TRPC6: variants seen among roughly 807,000 people sequenced by gnomAD.
TRPC6 encodes the protein transient receptor potential cation channel subfamily C member 6.
A neutral mutation model predicts 90.7 loss-of-function variants in TRPC6; 55 were observed. The ratio of observed to expected loss-of-function variants is 0.61; its 90% CI spans 0.49 to 0.76. TRPC6 has a LOEUF of 0.76. Among genes scored for constraint, TRPC6 ranks in the 30% least tolerant of loss-of-function variants. The pLI is 0.00. For synonymous variants in TRPC6, 393 were observed against 393.0 expected (o/e 1.00, Z 0.00); for missense variants, 989 against 1,122.7 (o/e 0.88, Z 1.70).
At position 101,504,396 on chromosome 11, in the gene TRPC6, C is replaced by T. The variant is rs764428462; in HGVS notation, c.573G>A (p.Arg191=). The T allele has an allele frequency of 6.2e-7, 1 of 1,613,968 alleles. No individual in the cohort carries two copies. The highest frequency in any genetic ancestry group is 8.5e-7 in the Non-Finnish European group (1 of 1,180,022). ...LSHPAFAEGK[R]LATSPSQSEL... is the part of the protein sequence containing the mutation. Reference sequence around the variant, plus strand: ...CAGACTGGCTAGGGCTGGTTGCTAACCTCTTGCCTTCAGCAAAAGCCGGAT... The same window carrying T: ...CAGACTGGCTAGGGCTGGTTGCTAATCTCTTGCCTTCAGCAAAAGCCGGAT... Residue 191 remains arginine (R), a synonymous_variant, in exon 2 of 13, where the codon AGG becomes AGA. Transcript: ENST00000344327.
intron 10 of TRPC6, among the ~76,000 whole-genome samples, chr11:101,467,997 C>T (rs970639051): frequency 3.2e-4 from 49 of 152,168 alleles, no homozygotes; most frequent in Admixed American, 3.1e-3. Flanking sequence ...CCTGGATAGG[C>T]AAGCCAAACA....
intron 2 of TRPC6, among the ~76,000 whole-genome samples, chr11:101,492,546 T>A (rs1015621000): frequency 1.3e-5 from 2 of 151,832 alleles, no homozygotes; most frequent in East Asian, 3.9e-4. Flanking sequence ...CATGCCACTG[T>A]CACTCTAGCC....
chr11:101,466,779 A>AACTC (rs1315406933), intron 10 of TRPC6, among the ~76,000 whole-genome samples: 1 of 152,128 alleles, frequency 6.6e-6, no homozygotes, highest in African/African-American at 2.4e-5. Flanking sequence ...AAACAAAAAA[A>AACTC]ACTCCTGCAG....
At chr11:101,483,213 T>G in intron 4 of TRPC6, 48 bp from the exon 5 acceptor site, 2 of 1,598,822 alleles carry the variant, frequency 1.3e-6, no homozygotes, top group Non-Finnish European at 1.7e-6. Context: ...TTTTGTACAC[T>G]TTGCAAAACA....
chr11:101,558,817 G>T (rs187348214), intron 1 of TRPC6, among the ~76,000 whole-genome samples: 1 of 152,058 alleles, frequency 6.6e-6, no homozygotes, highest in Admixed American at 6.6e-5. Flanking sequence ...GGCTATCCAC[G>T]TGCAGAAGAA....
chr11:101,504,350 A>T lies in TRPC6; in HGVS notation c.619T>A (p.Tyr207Asn). 6.2e-7 allele frequency: 1 copy of T among 1,614,084 alleles called. No individual in the cohort carries two copies. Among genetic ancestry groups the T allele is most frequent in the Non-Finnish European group, 8.5e-7 (1 of 1,179,982 alleles). Residue 207 changes from tyrosine to asparagine, a missense_variant, in exon 2 of 13, where the codon TAT (tyrosine) becomes AAT (asparagine). Coordinates refer to ENST00000344327, the MANE Select transcript of TRPC6 (RefSeq NM_004621.6). ...SQSELQQDDF[Y>N]AYDEDGTRFS... ...CGTGTCCCATCTTCATCATAGGCAT[A>T]AAAATCATCTTGCTGGAGTTCAGAC...
intron 1 of TRPC6, among the ~76,000 whole-genome samples, chr11:101,518,716 A>G (rs1020268737): frequency 6.6e-6 from 1 of 152,218 alleles, no homozygotes; most frequent in Non-Finnish European, 1.5e-5. Context: ...GGAAATCAGT[A>G]TATCAAAGAG....
intron 1 of TRPC6, among the ~76,000 whole-genome samples, chr11:101,565,223 A>C (rs766546749): frequency 1.3e-5 from 2 of 152,110 alleles, no homozygotes; most frequent in Non-Finnish European, 2.9e-5. Context: ...CTTCAAACTA[A>C]AAGCTTCTGC....
chr11:101,463,108 C>T (rs1454883248), intron 10 of TRPC6, among the ~76,000 whole-genome samples: 3 of 152,188 alleles, frequency 2.0e-5, no homozygotes, highest in South Asian at 2.1e-4. Flanking sequence ...TGATGGATTA[C>T]GTTTATCGAT....
At chr11:101,466,654 G>A (rs933632821) in intron 10 of TRPC6, among the ~76,000 whole-genome samples, 1 of 152,198 alleles carries the variant, frequency 6.6e-6, no homozygotes, top group African/African-American at 2.4e-5. Context: ...CGTGGGGGTG[G>A]GACCCACCGA....
intron 2 of TRPC6, among the ~76,000 whole-genome samples, chr11:101,497,871 C>T (rs1223891425): frequency 6.6e-6 from 1 of 151,982 alleles, no homozygotes; most frequent in Non-Finnish European, 1.5e-5. Flanking sequence ...CACCCCCTGA[C>T]AGGCCCCGGT....
At chr11:101,471,097 C>G in intron 9 of TRPC6, 86 bp downstream of exon 9, 1 of 1,326,604 alleles carries the variant, frequency 7.5e-7, no homozygotes. Context: ...TCATCAGGAA[C>G]TGCTTCTCTT....
intron 3 of TRPC6, 85 bp downstream of exon 3, chr11:101,491,471 T>G: frequency 6.5e-7 from 1 of 1,526,930 alleles, no homozygotes; most frequent in Non-Finnish European, 8.9e-7. Context: ...AAATCCCAGC[T>G]TAATCTAACA....
At chr11:101,534,338 G>T (rs7119901) in intron 1 of TRPC6, among the ~76,000 whole-genome samples, 15,916 of 152,136 alleles carry the variant, frequency 0.1, 1,018 homozygotes, top group Admixed American at 0.17. Flanking sequence ...GTTTCACCAT[G>T]TTGGCCAGGC....
intron 1 of TRPC6, 116 bp from the exon 2 acceptor site, chr11:101,504,914 T>C: frequency 8.5e-7 from 1 of 1,173,766 alleles, no homozygotes; most frequent in Non-Finnish European, 1.2e-6. Context: ...TCTCATCATC[T>C]CTAGACCTAC....
At position 101,491,391 on chromosome 11, in the gene TRPC6, A is replaced by G. The variant is rs556024979; in HGVS notation, c.1128+165T>C. 908 of 792,246 alleles carry G rather than the reference A, an allele frequency of 1.1e-3. 8 individuals carry two copies. In the African/African-American group the frequency reaches 0.014, roughly 12 times the overall value. The allele number at this position is 792,246 out of a possible 1,614,324, so 49.1% of individuals were successfully genotyped here. A position where few individuals can be genotyped will look rare whatever the true frequency, so the allele number is the denominator to read the frequency against. ...GGAGCTTGCAGTGAGCCGAGATCGC[A>G]CCACTGCACTCCAGACTGGGCGACA... On this transcript the variant is annotated intron_variant, in intron 3 of 12. Transcript: ENST00000344327.
At chr11:101,529,483 T>A (rs547435834) in intron 1 of TRPC6, among the ~76,000 whole-genome samples, 1 of 152,210 alleles carries the variant, frequency 6.6e-6, no homozygotes, top group African/African-American at 2.4e-5. Context: ...CGGACATACA[T>A]AGTACTTCAA....
At chr11:101,509,562 T>C (rs1433742773) in intron 1 of TRPC6, among the ~76,000 whole-genome samples, 1 of 152,178 alleles carries the variant, frequency 6.6e-6, no homozygotes, top group East Asian at 1.9e-4. Context: ...GATTTTAAAA[T>C]AACAATCTAT....
chr11:101,522,135 T>C (rs1349688764), intron 1 of TRPC6, among the ~76,000 whole-genome samples: 1 of 152,148 alleles, frequency 6.6e-6, no homozygotes, highest in Non-Finnish European at 1.5e-5. Flanking sequence ...GGCAGAATAA[T>C]ATGGTTTGGA....
Sources: allele counts gnomAD v4.1 joint callset (sites outside exome capture counted in the v4.1 genomes callset), GRCh38; gene constraint gnomAD v4.1.1; transcripts MANE v1.5; gene names NCBI Gene and HGNC (gene_info 2026-07-23, HGNC 2026-07-21).